The following B4GALT2 variants were observed in gnomAD, a reference collection of about 807,000 sequenced individuals.
B4GALT2 encodes beta-1,4-galactosyltransferase 2.
B4GALT2 carries 18 observed loss-of-function variants against 33.2 expected under a neutral mutation model. The observed-to-expected ratio is 0.54, with a 90% CI of 0.38 to 0.80. B4GALT2 has a LOEUF of 0.80. B4GALT2 is among the 30% of genes least tolerant of loss of function. B4GALT2 has a pLI of 0.00. For missense variants in B4GALT2, 404 were observed against 526.2 expected (o/e 0.77, Z 2.27); for synonymous variants, 214 against 217.6 (o/e 0.98, Z 0.15).
chr1:43,989,934 G>A (rs981657530), intron 6 of B4GALT2, among the ~76,000 whole-genome samples: 4 of 152,124 alleles, frequency 2.6e-5, no homozygotes, highest in South Asian at 2.1e-4. Flanking sequence ...GAAAATCCTC[G>A]CGGCAGTTAG....
rs547278358 is a variant in B4GALT2, at chr1:43,981,176, G to C, written c.16G>C (p.Gly6Arg). MSRLLGGTLERVCKAV... is the reference protein window; with the variant it reads MSRLLRGTLERVCKAV... ...CGCCTGCGGGATGAGCAGACTGCTG[G>C]GGGGGACGCTGGAGCGCGTCTGCAA... The change falls in exon 2 of 7, where the codon GGG becomes CGG. Residue 6 changes from glycine to arginine, a missense_variant. Coordinates refer to ENST00000372324, the MANE Select transcript of B4GALT2 (RefSeq NM_003780.5). This position sits in a 1 kb window ranked among gnomAD's most constrained non-coding sequence, Gnocchi z 8.1. The C allele has an allele frequency of 3.1e-6, 5 of 1,599,974 alleles. No homozygotes were observed. The highest frequency in any genetic ancestry group is 2.7e-5 in the African/African-American group (2 of 75,000).
rs900262037 is a variant in B4GALT2, at chr1:43,982,142, C to T, written c.549+218C>T. On this transcript the variant is annotated intron_variant, in intron 3 of 6. Coordinates refer to ENST00000372324, the MANE Select transcript of B4GALT2 (RefSeq NM_003780.5). This position sits in a 1 kb window ranked among gnomAD's most constrained non-coding sequence, Gnocchi z 4.3. The stretch of plus-strand genomic sequence containing the variant: ...TGGTCTCAGAAGGGGTTGAGCCCCA[C>T]TCTCTACCCTTGGCAGGCCTCACCC... Among the ~76,000 whole-genome samples the T allele has an allele frequency of 1.3e-5, 2 of 151,952 alleles. No homozygotes were observed. Among genetic ancestry groups the T allele is most frequent in the Non-Finnish European group, 2.9e-5 (2 of 68,034 alleles).
chr1:43,990,812 G>A lies in B4GALT2; in HGVS notation c.*364G>A. ...GTTTCCCCCCCTTGAGTCCCCTAGG[G>A]CCTGGAAGGGTGGGAGGTATGTCTA... On this transcript the variant is annotated 3_prime_UTR_variant, in exon 7 of 7. Coordinates refer to ENST00000372324, the MANE Select transcript of B4GALT2 (RefSeq NM_003780.5). 2 of 270,758 alleles carry A rather than the reference G, an allele frequency of 7.4e-6. No individual in the cohort carries two copies. The highest frequency in any genetic ancestry group is 1.5e-5 in the Non-Finnish European group (2 of 137,930). The allele number at this position is 270,758 out of a possible 1,614,324, so 16.8% of individuals were successfully genotyped here. A position where few individuals can be genotyped will look rare whatever the true frequency, so the allele number is the denominator to read the frequency against.
Position 43,979,234 on chromosome 1 carries a change from G to T in B4GALT2, c.-330G>T. Reference sequence around the variant, plus strand: ...TGCCCCTCCGAGGCGCCGTAGCGCGGGAGGGAGGCGGCGGCGCTGTGGTCC... The same window carrying T: ...TGCCCCTCCGAGGCGCCGTAGCGCGTGAGGGAGGCGGCGGCGCTGTGGTCC... On this transcript the variant is annotated 5_prime_UTR_variant, in exon 1 of 7. Transcript: ENST00000372324. This position sits in a 1 kb window ranked among gnomAD's most constrained non-coding sequence, Gnocchi z 4.8. The T allele has an allele frequency of 6.8e-6, 1 of 146,516 alleles. No individual in the cohort carries two copies. Among genetic ancestry groups the T allele is most frequent in the South Asian group, 1.9e-4 (1 of 5,294 alleles). 9.1% of individuals were successfully genotyped at this position (146,516 alleles called of 1,614,324 possible). A position where few individuals can be genotyped will look rare whatever the true frequency, so the allele number is the denominator to read the frequency against.
At position 43,990,615 on chromosome 1, in the gene B4GALT2, T is replaced by C. The variant is rs111479650; in HGVS notation, c.*167T>C. On this transcript the variant is annotated 3_prime_UTR_variant, in exon 7 of 7. Coordinates refer to ENST00000372324, the MANE Select transcript of B4GALT2 (RefSeq NM_003780.5). ...ACACCTGGAAGTTTCAGAACCCACT[T>C]TGGGGGGCCTCCTGCCTGGGCAGGC... 635 of 963,248 alleles carry C rather than the reference T, an allele frequency of 6.6e-4. 2 individuals are homozygous for C. In the African/African-American group the frequency reaches 9.7e-3, roughly 15 times the overall value. 59.7% of individuals were successfully genotyped at this position (963,248 alleles called of 1,614,324 possible).
rs889431817 is a variant in B4GALT2 at position 43,985,118 on chromosome 1, C to T, written c.740+63C>T. 3.1e-6 allele frequency: 5 copies of T among 1,592,560 alleles called. No homozygotes were observed. The African/African-American group carries it at 4.0e-5, about 13-fold the overall frequency. ...CCCCCACCAGACGCAGGCCCACTTC[C>T]AGCCCCCGAGCCCCGCTTGCTCCTG... On this transcript the variant is annotated intron_variant, in intron 4 of 6. Coordinates refer to ENST00000372324, the MANE Select transcript of B4GALT2 (RefSeq NM_003780.5).
At chr1:43,989,677 T>G (rs1054854100) in intron 6 of B4GALT2, among the ~76,000 whole-genome samples, 2 of 152,208 alleles carry the variant, frequency 1.3e-5, no homozygotes, top group African/African-American at 4.8e-5. Context: ...AGCACTCAAG[T>G]GCGCAGCCTC....
rs1215275329 is a variant in B4GALT2 at position 43,979,957 on chromosome 1, GGGT to G, written c.-53+449_-53+451del. On this transcript the variant is annotated intron_variant, in intron 1 of 6. Coordinates refer to ENST00000372324, the MANE Select transcript of B4GALT2 (RefSeq NM_003780.5). The surrounding 1 kb of genome is among the most constrained non-coding windows in gnomAD (Gnocchi z 4.8). ...ACCCAGAACCCCTGCGCCGGAGGGAGGGTGGGAATGTCTGCACGTGGGTCTGGG... is the reference window on the plus strand; with the variant it reads ...ACCCAGAACCCCTGCGCCGGAGGGAGGGGAATGTCTGCACGTGGGTCTGGG... The G allele has an allele frequency of 6.6e-7, 1 of 1,526,070 alleles. No individual in the cohort carries two copies. Among genetic ancestry groups the G allele is most frequent in the Non-Finnish European group, 8.8e-7 (1 of 1,141,416 alleles). 94.5% of individuals were successfully genotyped at this position (1,526,070 alleles called of 1,614,324 possible). A position where few individuals can be genotyped will look rare whatever the true frequency, so the allele number is the denominator to read the frequency against.
chr1:43,990,800 G>C lies in B4GALT2; in HGVS notation c.*352G>C, dbSNP rs141216214. ...CTCTGTGCCTCAGTTTCCCCCCCTT[G>C]AGTCCCCTAGGGCCTGGAAGGGTGG... On this transcript the variant is annotated 3_prime_UTR_variant, in exon 7 of 7. Transcript: ENST00000372324. The C allele has an allele frequency of 1.5e-4, 45 of 296,370 alleles. No individual in the cohort carries two copies. Among genetic ancestry groups the C allele is most frequent in the Middle Eastern group, 1.1e-3 (1 of 926 alleles). 18.4% of individuals were successfully genotyped at this position (296,370 alleles called of 1,614,324 possible).
At position 43,981,215 on chromosome 1, in the gene B4GALT2, C is replaced by T. The variant is rs1443246942; in HGVS notation, c.55C>T (p.Leu19Phe). ...LERVCKAVLLLCLLHFLVAVI... is the reference protein window; with the variant it reads ...LERVCKAVLLFCLLHFLVAVI... ...GCGCGTCTGCAAGGCTGTGCTCCTT[C>T]TCTGCCTGCTGCACTTCCTCGTGGC... is the stretch of plus-strand genomic sequence containing the variant. Residue 19 changes from leucine (L) to phenylalanine (F), a missense_variant, in exon 2 of 7, where the codon CTC becomes TTC. Physicochemically the swap from Leu to Phe is conservative, Grantham distance 22 (BLOSUM62 0). Coordinates refer to ENST00000372324, the MANE Select transcript of B4GALT2 (RefSeq NM_003780.5). The surrounding 1 kb of genome is among the most constrained non-coding windows in gnomAD (Gnocchi z 8.1). 1.9e-6 allele frequency: 3 copies of T among 1,604,226 alleles called. No homozygotes were observed. Among genetic ancestry groups the T allele is most frequent in the Non-Finnish European group, 2.5e-6 (3 of 1,179,868 alleles).
chr1:43,980,845 G>A (rs1204450536), intron 1 of B4GALT2, among the ~76,000 whole-genome samples: 2 of 152,310 alleles, frequency 1.3e-5, no homozygotes, highest in Admixed American at 1.3e-4. Flanking sequence ...GAGTGCCTGA[G>A]TGTGTGTGTC....
chr1:43,990,748 A>G lies in B4GALT2; in HGVS notation c.*300A>G, dbSNP rs1219391576. ...GGCCAGCCCCTGCACTGCCTCGCAG[A>G]GTGGCCTGGGCTAGGTCACTCCACC... is the stretch of plus-strand genomic sequence containing the variant. On this transcript the variant is annotated 3_prime_UTR_variant, in exon 7 of 7. Transcript: ENST00000372324. 2.4e-6 allele frequency: 1 copy of G among 422,596 alleles called. No individual in the cohort carries two copies. Among genetic ancestry groups the G allele is most frequent in the African/African-American group, 2.0e-5 (1 of 49,988 alleles). The allele number at this position is 422,596 out of a possible 1,614,324, so 26.2% of individuals were successfully genotyped here. A position where few individuals can be genotyped will look rare whatever the true frequency, so the allele number is the denominator to read the frequency against.
At chr1:43,990,207 A>G (rs2085712271) in intron 6 of B4GALT2, 91 bp from the exon 7 acceptor site, 1 of 1,529,332 alleles carries the variant, frequency 6.5e-7, no homozygotes, top group Non-Finnish European at 9.0e-7. Flanking sequence ...CTTGGCCAAA[A>G]GGGGGTCCAT....
chr1:43,979,948 C>T lies in B4GALT2; in HGVS notation c.-53+437C>T. Reference sequence around the variant, plus strand: ...GCCAGCCTGACCCAGAACCCCTGCGCCGGAGGGAGGGTGGGAATGTCTGCA... The same window carrying T: ...GCCAGCCTGACCCAGAACCCCTGCGTCGGAGGGAGGGTGGGAATGTCTGCA... On this transcript the variant is annotated intron_variant, in intron 1 of 6. Coordinates refer to ENST00000372324, the MANE Select transcript of B4GALT2 (RefSeq NM_003780.5). The surrounding 1 kb of genome is among the most constrained non-coding windows in gnomAD (Gnocchi z 4.8). The T allele has an allele frequency of 6.6e-7, 1 of 1,521,504 alleles. No individual in the cohort carries two copies. The highest frequency in any genetic ancestry group is 8.8e-7 in the Non-Finnish European group (1 of 1,137,776). The allele number at this position is 1,521,504 out of a possible 1,614,324, so 94.3% of individuals were successfully genotyped here. A position where few individuals can be genotyped will look rare whatever the true frequency, so the allele number is the denominator to read the frequency against.
rs1208711868 is a variant in B4GALT2 at position 43,985,347 on chromosome 1, C to A, written c.810C>A (p.Gly270=). The A allele has an allele frequency of 6.2e-7, 1 of 1,611,816 alleles. No individual in the cohort carries two copies. Among genetic ancestry groups the A allele is most frequent in the Non-Finnish European group, 8.5e-7 (1 of 1,179,302 alleles). Residue 270 remains glycine, a synonymous_variant, in exon 5 of 7, where the codon GGC becomes GGA. Coordinates refer to ENST00000372324, the MANE Select transcript of B4GALT2 (RefSeq NM_003780.5). ...LSKAQFLRIN[G]FPNEYWGWGG... ...AGGCTCAGTTTCTGAGAATCAATGG[C>A]TTCCCCAATGAGTACTGGGGCTGGG...
rs545392499 is a variant in B4GALT2, at chr1:43,982,421, T to C, written c.549+497T>C. ...GCCGACCACAGAGACCTCCTAGACT[T>C]GGACATGGGTCCCTCCCGTATGATG... is the stretch of plus-strand genomic sequence containing the variant. On this transcript the variant is annotated intron_variant, in intron 3 of 6. Coordinates refer to ENST00000372324, the MANE Select transcript of B4GALT2 (RefSeq NM_003780.5). This position sits in a 1 kb window ranked among gnomAD's most constrained non-coding sequence, Gnocchi z 4.3. Among the ~76,000 whole-genome samples the C allele has an allele frequency of 2.6e-5, 4 of 151,264 alleles. No homozygotes were observed. The East Asian group carries it at 7.9e-4, about 30-fold the overall frequency.
Position 43,984,215 on chromosome 1 carries a change from A to T in B4GALT2, c.550-650A>T, listed in dbSNP as rs961098752. The stretch of plus-strand genomic sequence containing the variant: ...GGAGAGACAAGTGAATCTAGCCCAG[A>T]CCTGTCCTGGTCTCAGAGGCTGCCC... On this transcript the variant is annotated intron_variant, in intron 3 of 6. Transcript: ENST00000372324. This position sits in a 1 kb window ranked among gnomAD's most constrained non-coding sequence, Gnocchi z 5.6. 1.3e-5 allele frequency among the ~76,000 whole-genome samples: 2 copies of T among 152,216 alleles called. No homozygotes were observed. Among genetic ancestry groups the T allele is most frequent in the Non-Finnish European group, 1.5e-5 (1 of 68,030 alleles).
At chr1:43,986,979 G>T (rs957064848) in intron 6 of B4GALT2, among the ~76,000 whole-genome samples, 1 of 152,148 alleles carries the variant, frequency 6.6e-6, no homozygotes, top group African/African-American at 2.4e-5. Context: ...GGGTAGGAGT[G>T]GGGGAGGTGG....
chr1:43,989,631 A>G (rs78527876), intron 6 of B4GALT2, among the ~76,000 whole-genome samples: 3,162 of 152,330 alleles, frequency 0.021, 119 homozygotes, highest in African/African-American at 0.072. Flanking sequence ...ATATTTAAAT[A>G]TATCGCAGTT....
Sources: allele counts gnomAD v4.1 joint callset (sites outside exome capture counted in the v4.1 genomes callset), GRCh38; gene constraint gnomAD v4.1.1; non-coding constraint Gnocchi (gnomAD v3.1); transcripts MANE v1.5; gene names NCBI Gene and HGNC (gene_info 2026-07-23, HGNC 2026-07-21).